Variants in PNPLA7 observed in about 807,000 individuals in gnomAD.
PNPLA7 encodes patatin-like phospholipase domain-containing protein 7.
Under a neutral mutation model 161.7 loss-of-function variants are expected in PNPLA7, and 153 were observed. That is an observed-to-expected ratio of 0.95 (90% CI 0.83 to 1.08). The LOEUF (loss-of-function observed/expected upper bound fraction) is 1.08. Ranked by LOEUF, PNPLA7 falls within the 50% of genes least tolerant of loss-of-function variation. The pLI, the probability that PNPLA7 is intolerant of heterozygous loss-of-function variation, is 0.00. For missense variants in PNPLA7, 1,739 were observed against 1,856.6 expected (o/e 0.94, Z 1.16); for synonymous variants, 809 against 782.1 (o/e 1.03, Z -0.57).
At chr9:137,545,810 C>T (rs999946189) in intron 4 of PNPLA7, among the ~76,000 whole-genome samples, 1 of 152,200 alleles carries the variant, frequency 6.6e-6, no homozygotes, top group Non-Finnish European at 1.5e-5. Context: ...CACCAGAGGG[C>T]TCCTTGGTCT....
intron 20 of PNPLA7, among the ~76,000 whole-genome samples, chr9:137,485,608 A>G (rs1832440669): frequency 1.3e-5 from 2 of 152,256 alleles, no homozygotes; most frequent in South Asian, 4.1e-4. Flanking sequence ...GCTAGACATC[A>G]ATAGGCCCGT....
rs1036956974 is a variant in PNPLA7 at position 137,499,241 on chromosome 9, C to G, written c.1758-996G>C. On this transcript the variant is annotated intron_variant, in intron 16 of 34. Coordinates refer to ENST00000406427, the MANE Select transcript of PNPLA7 (RefSeq NM_001098537.3). This position sits in a 1 kb window ranked among gnomAD's most constrained non-coding sequence, Gnocchi z 5.5. ...AGACACACACAGACACACAGACACA[C>G]ACAGACACAAGGAGACACACATGGA... 4.6e-5 allele frequency among the ~76,000 whole-genome samples: 7 copies of G among 151,564 alleles called. No homozygotes were observed. The highest frequency in any genetic ancestry group is 7.4e-5 in the Non-Finnish European group (5 of 67,830).
At position 137,462,198 on chromosome 9, in the gene PNPLA7, C is replaced by T. The variant is rs1336447819; in HGVS notation, c.3626G>A (p.Gly1209Asp). The part of the protein sequence containing the change: ...PIDSYSTLDF[G>D]KFNEICEVGY... Reference sequence around the variant, plus strand: ...ACTCACGCAGATCTCGTTGAACTTGCCGAAGTCCAGGGTGCTGTAGCTGTC... The same window carrying T: ...ACTCACGCAGATCTCGTTGAACTTGTCGAAGTCCAGGGTGCTGTAGCTGTC... Residue 1209 changes from glycine to aspartate, a missense_variant, in exon 31 of 35, where the codon GGC becomes GAC. Gly to Asp is a moderately conservative substitution (Grantham distance 94). This residue lies in a region of PNPLA7 where 703 missense variants were observed against 694.6 expected (regional missense o/e 1.01). Transcript: ENST00000406427. 6.4e-6 allele frequency: 10 copies of T among 1,570,500 alleles called. No individual in the cohort carries two copies. The highest frequency in any genetic ancestry group is 8.7e-6 in the Non-Finnish European group (10 of 1,155,096).
chr9:137,548,615 G>A (rs1209026585), intron 1 of PNPLA7, among the ~76,000 whole-genome samples: 1 of 152,218 alleles, frequency 6.6e-6, no homozygotes, highest in Admixed American at 6.5e-5. Context: ...GGGCGTGGTG[G>A]TGGGTGCCTG....
In PNPLA7 at chr9:137,468,966, G is replaced by A. The variant is rs1409797712; in HGVS notation, c.2883-1493C>T. ...GTATAAGCCTTAAAAACAAGTTCAA[G>A]TTGGGAGGTGGAGGTTGCAGTGAGC... On this transcript the variant is annotated intron_variant, in intron 25 of 34. Coordinates refer to ENST00000406427, the MANE Select transcript of PNPLA7 (RefSeq NM_001098537.3). This position sits in a 1 kb window ranked among gnomAD's most constrained non-coding sequence, Gnocchi z 4.0. Among the ~76,000 whole-genome samples, 1 of 151,968 alleles carries A rather than the reference G, an allele frequency of 6.6e-6. No individual in the cohort carries two copies. The highest frequency in any genetic ancestry group is 1.5e-5 in the Non-Finnish European group (1 of 67,966).
At chr9:137,513,730 T>A (rs1440475238) in intron 12 of PNPLA7, among the ~76,000 whole-genome samples, 1 of 151,560 alleles carries the variant, frequency 6.6e-6, no homozygotes, top group East Asian at 1.9e-4. Context: ...GGGAAAAGAA[T>A]CTCCAAAAAA....
In PNPLA7 at chr9:137,542,582, A is replaced by T. The variant is rs574889556; in HGVS notation, c.666+60T>A. The T allele has an allele frequency of 2.0e-5, 28 of 1,431,226 alleles. No individual in the cohort carries two copies. In the Admixed American group the frequency reaches 7.2e-4, roughly 37 times the overall value. 88.7% of individuals were successfully genotyped at this position (1,431,226 alleles called of 1,614,324 possible). A position where few individuals can be genotyped will look rare whatever the true frequency, so the allele number is the denominator to read the frequency against. On this transcript the variant is annotated intron_variant, in intron 7 of 34. Transcript: ENST00000406427. ...ATGAGAAACGTTTTACAGCCCGAGAAGACAGACGTGGAGGTAAATGCGCAG... is the reference window on the plus strand; with the variant it reads ...ATGAGAAACGTTTTACAGCCCGAGATGACAGACGTGGAGGTAAATGCGCAG...
intron 20 of PNPLA7, among the ~76,000 whole-genome samples, chr9:137,487,811 C>T (rs1832564668): frequency 6.6e-6 from 1 of 152,204 alleles, no homozygotes; most frequent in African/African-American, 2.4e-5. Context: ...ATCCAGCCTC[C>T]ACCTGCCTGT....
At chr9:137,502,185 C>T (rs892944613) in intron 14 of PNPLA7, among the ~76,000 whole-genome samples, 7 of 152,094 alleles carry the variant, frequency 4.6e-5, no homozygotes, top group Non-Finnish European at 1.0e-4. Flanking sequence ...ACACTGGAAC[C>T]CAGAAGGCAG....
chr9:137,482,715 A>G (rs909447353), intron 21 of PNPLA7, among the ~76,000 whole-genome samples: 7 of 152,230 alleles, frequency 4.6e-5, no homozygotes, highest in African/African-American at 1.7e-4. Context: ...GCTGGGGCCC[A>G]AGGGGTCTAC....
chr9:137,498,330 AC>A (rs1217120038), intron 16 of PNPLA7, 85 bp from the exon 17 acceptor site: 1 of 1,554,906 alleles, frequency 6.4e-7, no homozygotes, highest in African/African-American at 1.3e-5. Flanking sequence ...AATGGATGGG[AC>A]CCACAACCCC....
At chr9:137,529,220 C>G (rs909896072) in intron 8 of PNPLA7, among the ~76,000 whole-genome samples, 6 of 152,146 alleles carry the variant, frequency 3.9e-5, no homozygotes, top group African/African-American at 1.4e-4. Context: ...GTCTCAAACT[C>G]CTGTGCTCAA....
At chr9:137,461,461 T>TGGGGGGGGGGGGGGGGGGGGGGGGG in intron 33 of PNPLA7, 75 bp downstream of exon 33, 1 of 1,189,094 alleles carries the variant, frequency 8.4e-7, no homozygotes, top group Non-Finnish European at 1.1e-6. Context: ...GCCTCTGGGG[T>TGGGGGGGGGGGGGGGGGGGGGGGGG]GGGGGGGTTC....
In PNPLA7 at chr9:137,516,549, C is replaced by A. The variant is rs372601263; in HGVS notation, c.1085-1030G>T. On this transcript the variant is annotated intron_variant, in intron 11 of 34. Coordinates refer to ENST00000406427, the MANE Select transcript of PNPLA7 (RefSeq NM_001098537.3). ...TGAGGCCAGGTGCAGTGGCTCACACCTGTAATCCAAACAATTTGGGAGGCC... is the reference window on the plus strand; with the variant it reads ...TGAGGCCAGGTGCAGTGGCTCACACATGTAATCCAAACAATTTGGGAGGCC... 5.1e-6 allele frequency: 5 copies of A among 985,020 alleles called. No homozygotes were observed. The East Asian group carries it at 3.4e-4, about 67-fold the overall frequency. The allele number at this position is 985,020 out of a possible 1,614,324, so 61.0% of individuals were successfully genotyped here. A position where few individuals can be genotyped will look rare whatever the true frequency, so the allele number is the denominator to read the frequency against.
At chr9:137,525,780 T>C (rs1835271203) in intron 8 of PNPLA7, among the ~76,000 whole-genome samples, 2 of 146,452 alleles carry the variant, frequency 1.4e-5, no homozygotes, top group African/African-American at 5.2e-5. Context: ...CAAGAGGTGG[T>C]GGAGCAGAGT....
rs28473088 is a variant in PNPLA7, at chr9:137,467,007, A to G, written c.3039+310T>C. Reference sequence around the variant, plus strand: ...TCTCCACCATCTCAGACCCGTGCACAGATCAGACCGCCTCCCACCACCGTC... The same window carrying G: ...TCTCCACCATCTCAGACCCGTGCACGGATCAGACCGCCTCCCACCACCGTC... On this transcript the variant is annotated intron_variant, in intron 26 of 34. Coordinates refer to ENST00000406427, the MANE Select transcript of PNPLA7 (RefSeq NM_001098537.3). The surrounding 1 kb of genome is among the most constrained non-coding windows in gnomAD (Gnocchi z 5.1). 0.18 allele frequency among the ~76,000 whole-genome samples: 20,573 copies of G among 111,600 alleles called. 2,818 individuals are homozygous for G. The highest frequency in any genetic ancestry group is 0.44 in the African/African-American group (12,363 of 28,340). The allele number at this position is 111,600 out of a possible 152,430, so 73.2% of individuals were successfully genotyped here.
Position 137,540,871 on chromosome 9 carries a change from G to C in PNPLA7, c.667-149C>G, listed in dbSNP as rs966972442. 5.9e-6 allele frequency: 4 copies of C among 673,088 alleles called. No individual in the cohort carries two copies. Among genetic ancestry groups the C allele is most frequent in the African/African-American group, 1.8e-5 (1 of 56,366 alleles). 41.7% of individuals were successfully genotyped at this position (673,088 alleles called of 1,614,324 possible). A position where few individuals can be genotyped will look rare whatever the true frequency, so the allele number is the denominator to read the frequency against. ...CAGCAGGCACCTTGGATGGAGGGCA[G>C]GGGACAAGATGGACCTGCTGGCATC... On this transcript the variant is annotated intron_variant, in intron 7 of 34. Transcript: ENST00000406427. This position sits in a 1 kb window ranked among gnomAD's most constrained non-coding sequence, Gnocchi z 5.1.
In PNPLA7 at chr9:137,543,727, T is replaced by A. The variant is rs1377533744; in HGVS notation, c.362A>T (p.Lys121Met). Residue 121 changes from lysine (K) to methionine (M), a missense_variant, in exon 5 of 35, where the codon AAG becomes ATG. Lys to Met is a moderately conservative substitution (Grantham distance 95). This residue lies in a region of PNPLA7 where 209 missense variants were observed against 252.8 expected (regional missense o/e 0.83). Transcript: ENST00000406427. This position sits in a 1 kb window ranked among gnomAD's most constrained non-coding sequence, Gnocchi z 6.9. ...TGGTCTGAAGGACACACAGTACCTC[T>A]TGGCCAAAGACAGCACCTTGGTCCT... Reference protein sequence around the residue: ...RKRTKVLSLAKRILRFKKEYP... With the variant: ...RKRTKVLSLAMRILRFKKEYP... 6.2e-7 allele frequency: 1 copy of A among 1,613,928 alleles called. No individual in the cohort carries two copies. Among genetic ancestry groups the A allele is most frequent in the Admixed American group, 1.7e-5 (1 of 60,010 alleles).
In PNPLA7 at chr9:137,537,914, C is replaced by T. The variant is rs1835980340; in HGVS notation, c.747+2728G>A. ...GAGAAACGAATCATCCAAGGTAGGT[C>T]GCATACAGATGCCCCGTGCTGAACG... On this transcript the variant is annotated intron_variant, in intron 8 of 34. Coordinates refer to ENST00000406427, the MANE Select transcript of PNPLA7 (RefSeq NM_001098537.3). The surrounding 1 kb of genome is among the most constrained non-coding windows in gnomAD (Gnocchi z 4.5). Among the ~76,000 whole-genome samples the T allele has an allele frequency of 6.6e-6, 1 of 152,194 alleles. No individual in the cohort carries two copies. The highest frequency in any genetic ancestry group is 6.5e-5 in the Admixed American group (1 of 15,284).
Sources: allele counts gnomAD v4.1 joint callset (sites outside exome capture counted in the v4.1 genomes callset), GRCh38; gene constraint gnomAD v4.1.1; regional missense constraint gnomAD v4.1.1; non-coding constraint Gnocchi (gnomAD v3.1); transcripts MANE v1.5; gene names NCBI Gene and HGNC (gene_info 2026-07-23, HGNC 2026-07-21).